Variants in RNGTT observed in about 807,000 individuals in gnomAD.
RNGTT encodes mRNA-capping enzyme.
Under a neutral mutation model 79.3 loss-of-function variants are expected in RNGTT, and 33 were observed. The ratio of observed to expected loss-of-function variants is 0.42; its 90% CI spans 0.32 to 0.56. The LOEUF (loss-of-function observed/expected upper bound fraction) is 0.56, where lower values mean the gene tolerates loss of function less well. Ranked by LOEUF, RNGTT falls within the 20% of genes least tolerant of loss-of-function variation. The pLI, the probability that RNGTT is intolerant of heterozygous loss-of-function variation, is 0.17. For synonymous variants in RNGTT, 222 were observed against 235.9 expected (o/e 0.94, Z 0.54); for missense variants, 497 against 739.1 (o/e 0.67, Z 3.80).
chr6:88,738,938 A>G (rs1306105244), intron 13 of RNGTT, among the ~76,000 whole-genome samples: 1 of 152,032 alleles, frequency 6.6e-6, no homozygotes, highest in Non-Finnish European at 1.5e-5. Flanking sequence ...TGTATAAATA[A>G]TTACTAAATT....
chr6:88,862,783 T>C (rs986194172), intron 8 of RNGTT, among the ~76,000 whole-genome samples: 1 of 152,204 alleles, frequency 6.6e-6, no homozygotes, highest in Non-Finnish European at 1.5e-5. Flanking sequence ...ACAGTAACAC[T>C]GTCTAACCAT....
intron 14 of RNGTT, among the ~76,000 whole-genome samples, chr6:88,629,244 T>C (rs2127768573): frequency 6.6e-6 from 1 of 152,316 alleles, no homozygotes; most frequent in Non-Finnish European, 1.5e-5. Flanking sequence ...TTTACTGATT[T>C]ATCAGCATTA....
At chr6:88,805,467 C>T (rs915210670) in intron 11 of RNGTT, among the ~76,000 whole-genome samples, 4 of 152,190 alleles carry the variant, frequency 2.6e-5, no homozygotes, top group African/African-American at 9.6e-5. Flanking sequence ...GCTTTCCAAA[C>T]CCTTCTTGAT....
rs1783935312 is a variant in RNGTT at position 88,914,490 on chromosome 6, C to T, written c.368-8050G>A. ...AGAACCCAGAAATAAAGCCACATAC[C>T]TACAACTAATCGATCTTCAACAAAG... On this transcript the variant is annotated intron_variant, in intron 4 of 15. Coordinates refer to ENST00000369485, the MANE Select transcript of RNGTT (RefSeq NM_003800.5). Among the ~76,000 whole-genome samples the T allele has an allele frequency of 2.0e-5, 3 of 151,676 alleles. No individual in the cohort carries two copies. The South Asian group carries it at 6.2e-4, about 32-fold the overall frequency.
intron 11 of RNGTT, among the ~76,000 whole-genome samples, chr6:88,831,802 A>G (rs1347168476): frequency 1.3e-5 from 2 of 152,152 alleles, no homozygotes; most frequent in Non-Finnish European, 2.9e-5. Flanking sequence ...GTAACAGACA[A>G]ACAGAGAGCC....
intron 10 of RNGTT, among the ~76,000 whole-genome samples, chr6:88,846,810 C>CT (rs1287561418): frequency 6.6e-6 from 1 of 151,858 alleles, no homozygotes; most frequent in African/African-American, 2.4e-5. Context: ...TCCTGACCTC[C>CT]ATGACTCAAT....
chr6:88,931,283 G>C (rs9451105), intron 2 of RNGTT, among the ~76,000 whole-genome samples: 1 of 150,944 alleles, frequency 6.6e-6, no homozygotes, highest in Non-Finnish European at 1.5e-5. Context: ...GCAAGTTTCA[G>C]ACCAGCATAT....
At chr6:88,658,709 G>A (rs934597631) in intron 14 of RNGTT, among the ~76,000 whole-genome samples, 10 of 152,204 alleles carry the variant, frequency 6.6e-5, no homozygotes, top group Admixed American at 2.6e-4. Flanking sequence ...AATCTAATCA[G>A]CTGCCAGCAC....
intron 13 of RNGTT, among the ~76,000 whole-genome samples, chr6:88,753,886 G>C (rs1777921531): frequency 6.6e-6 from 1 of 151,974 alleles, no homozygotes; most frequent in Admixed American, 6.6e-5. Context: ...AGAAAGTACG[G>C]GTTAAAAAGG....
chr6:88,882,997 C>T (rs186973389), intron 8 of RNGTT, among the ~76,000 whole-genome samples: 2 of 152,038 alleles, frequency 1.3e-5, no homozygotes, highest in East Asian at 3.9e-4. Flanking sequence ...TGATTAAATG[C>T]CTGGAAACTT....
At chr6:88,888,835 G>C (rs991563130) in intron 8 of RNGTT, among the ~76,000 whole-genome samples, 1 of 152,154 alleles carries the variant, frequency 6.6e-6, no homozygotes, top group Non-Finnish European at 1.5e-5. Flanking sequence ...TTCGAGACCA[G>C]CCTGACCAAC....
chr6:88,686,624 A>G (rs778296639), intron 13 of RNGTT, among the ~76,000 whole-genome samples: 24 of 152,134 alleles, frequency 1.6e-4, no homozygotes, highest in Non-Finnish European at 4.4e-5. Flanking sequence ...AGACCTACGC[A>G]TAGGCACTGA....
At chr6:88,683,154 G>A (rs1775154529) in intron 13 of RNGTT, among the ~76,000 whole-genome samples, 1 of 152,030 alleles carries the variant, frequency 6.6e-6, no homozygotes, top group South Asian at 2.1e-4. Flanking sequence ...TTCATGAAAC[G>A]GAAAACACAC....
At chr6:88,757,596 C>T (rs1458954668) in intron 13 of RNGTT, among the ~76,000 whole-genome samples, 1 of 152,054 alleles carries the variant, frequency 6.6e-6, no homozygotes, top group East Asian at 1.9e-4. Flanking sequence ...AAAATAATTT[C>T]ACTGTTGTTA....
At chr6:88,791,161 A>G (rs201111633) in intron 12 of RNGTT, among the ~76,000 whole-genome samples, 2 of 121,578 alleles carry the variant, frequency 1.6e-5, no homozygotes, top group African/African-American at 6.5e-5. Context: ...TTTTTTTTCA[A>G]TTTTTTTTAA....
chr6:88,678,226 AC>A (rs1445326740), intron 14 of RNGTT, 126 bp downstream of exon 14: 1 of 1,368,842 alleles, frequency 7.3e-7, no homozygotes, highest in Non-Finnish European at 9.6e-7. Flanking sequence ...CAAGTGATCC[AC>A]CTGTCTTAGC....
rs975154683 is a variant in RNGTT, at chr6:88,614,461, G to C, written c.1507-66C>G. On this transcript the variant is annotated intron_variant, in intron 14 of 15. Transcript: ENST00000369485. ...GAAAGGCTTTTTGCTTCTACTATGT[G>C]ACAGGCACATTAGGAAATGATAAAA... is the stretch of plus-strand genomic sequence containing the variant. 2.7e-6 allele frequency: 4 copies of C among 1,466,318 alleles called. No homozygotes were observed. The African/African-American group carries it at 5.6e-5, about 21-fold the overall frequency. 90.8% of individuals were successfully genotyped at this position (1,466,318 alleles called of 1,614,324 possible).
chr6:88,801,830 C>A (rs1336694580), intron 11 of RNGTT, among the ~76,000 whole-genome samples, 198 bp from the exon 12 acceptor site: 6 of 148,030 alleles, frequency 4.1e-5, no homozygotes, highest in Admixed American at 4.0e-4. Flanking sequence ...CAGACACACA[C>A]ACACACACAC....
At chr6:88,647,232 AG>A (rs1773600784) in intron 14 of RNGTT, among the ~76,000 whole-genome samples, 2 of 152,158 alleles carry the variant, frequency 1.3e-5, no homozygotes, top group African/African-American at 4.8e-5. Context: ...AGTATGCTAC[AG>A]AAGCTCGACT....
Sources: gnomAD v4.1 joint callset for allele counts (sites outside exome capture counted in the v4.1 genomes callset) on GRCh38, gnomAD v4.1.1 for gene constraint, MANE v1.5 for transcripts, NCBI Gene and HGNC (gene_info 2026-07-23, HGNC 2026-07-21) for gene names.